Variants in ACOX1 observed in about 807,000 individuals in gnomAD.
The protein encoded by ACOX1 is acyl-CoA oxidase 1, also known as peroxisomal acyl-coenzyme A oxidase 1.
ACOX1 carries 41 observed loss-of-function variants against 75.5 expected under a neutral mutation model. That is an observed-to-expected ratio of 0.54 (90% CI 0.42 to 0.70). The LOEUF is 0.70. Ranked by LOEUF, ACOX1 falls within the 30% of genes least tolerant of loss-of-function variation. ACOX1 has a pLI of 0.00. For synonymous variants in ACOX1, 303 were observed against 298.8 expected (o/e 1.01, Z -0.15); for missense variants, 630 against 837.5 (o/e 0.75, Z 3.06).
In ACOX1 at chr17:75,941,839, A is replaced by G. The variant is rs553502154; in HGVS notation, c.*4909T>C. 1.3e-5 allele frequency: 2 copies of G among 152,268 alleles called. No homozygotes were observed. Among genetic ancestry groups the G allele is most frequent in the Non-Finnish European group, 2.9e-5 (2 of 68,048 alleles). 9.4% of individuals were successfully genotyped at this position (152,268 alleles called of 1,614,324 possible). ...GTTGAATCCATAACTGGAAATAAAA[A>G]GGCATTTATGAAGTGTAGTCCGCAG... On this transcript the variant is annotated 3_prime_UTR_variant, in exon 14 of 14. Transcript: ENST00000293217.
At chr17:75,954,415 T>TG (rs2065803400) in intron 6 of ACOX1, among the ~76,000 whole-genome samples, 1 of 145,804 alleles carries the variant, frequency 6.9e-6, no homozygotes, top group South Asian at 2.2e-4. Flanking sequence ...CCCAGCTACT[T>TG]GGGAGGCTGA....
chr17:75,958,668 C>A (rs890631597), intron 3 of ACOX1, among the ~76,000 whole-genome samples: 10 of 151,836 alleles, frequency 6.6e-5, no homozygotes, highest in Non-Finnish European at 1.3e-4. Context: ...ATTAGCTGGG[C>A]ATGGTGGTGG....
In ACOX1 at chr17:75,955,572, A is replaced by G. The variant is rs1234073358; in HGVS notation, c.768T>C (p.Tyr256=). 4.3e-6 allele frequency: 7 copies of G among 1,613,638 alleles called. No homozygotes were observed. The highest frequency in any genetic ancestry group is 5.9e-6 in the Non-Finnish European group (7 of 1,179,644). ...ATTTTCTATCAAAACATACCTGGGCATACTTCATCAGCATGTTTTCTCTGG... is the reference window on the plus strand; with the variant it reads ...ATTTTCTATCAAAACATACCTGGGCGTACTTCATCAGCATGTTTTCTCTGG... ...RIPRENMLMK[Y]AQVKPDGTYV... The change falls in exon 6 of 14, where the codon TAT becomes TAC. Residue 256 remains tyrosine, a synonymous_variant. Coordinates refer to ENST00000293217, the MANE Select transcript of ACOX1 (RefSeq NM_004035.7).
intron 2 of ACOX1, among the ~76,000 whole-genome samples, chr17:75,962,904 G>A (rs867888259): frequency 2.0e-5 from 3 of 152,266 alleles, no homozygotes; most frequent in Middle Eastern, 3.4e-3. Flanking sequence ...GGCCGAGGCA[G>A]GGGGATCACC....
At position 75,944,732 on chromosome 17, in the gene ACOX1, A is replaced by G. The variant is rs1196898301; in HGVS notation, c.*2016T>C. Reference sequence around the variant, plus strand: ...TTCCAATATTAATAAAAATAGCATCAAATGTCAGATTTAGATTTTTTTTTT... The same window carrying G: ...TTCCAATATTAATAAAAATAGCATCGAATGTCAGATTTAGATTTTTTTTTT... On this transcript the variant is annotated 3_prime_UTR_variant, in exon 14 of 14. Coordinates refer to ENST00000293217, the MANE Select transcript of ACOX1 (RefSeq NM_004035.7). The G allele has an allele frequency of 6.6e-6, 1 of 152,162 alleles. No individual in the cohort carries two copies. Among genetic ancestry groups the G allele is most frequent in the Admixed American group, 6.6e-5 (1 of 15,262 alleles). The allele number at this position is 152,162 out of a possible 1,614,324, so 9.4% of individuals were successfully genotyped here. A position where few individuals can be genotyped will look rare whatever the true frequency, so the allele number is the denominator to read the frequency against.
intron 4 of ACOX1, among the ~76,000 whole-genome samples, chr17:75,956,969 CTCTATATATA>C (rs2065836680): frequency 7.8e-4 from 7 of 9,024 alleles, no homozygotes; most frequent in Non-Finnish European, 1.1e-3. Flanking sequence ...CTCTCTCTCT[CTCTATATATA>C]TATATATATA....
chr17:75,953,378 T>C, intron 7 of ACOX1, 73 bp downstream of exon 7: 4 of 1,567,662 alleles, frequency 2.6e-6, no homozygotes, highest in Non-Finnish European at 3.5e-6. Context: ...TATTGACATT[T>C]GGGAATTCTG....
chr17:75,975,008 C>CCACTG (rs1309034947), intron 2 of ACOX1, among the ~76,000 whole-genome samples: 3 of 141,712 alleles, frequency 2.1e-5, no homozygotes, highest in Admixed American at 7.2e-5. Context: ...CGAGATCGCA[C>CCACTG]CACTGCACTC....
Position 75,951,371 on chromosome 17 carries a change from C to T in ACOX1, c.1107+44G>A, listed in dbSNP as rs9909589. The T allele has an allele frequency of 0.014, 22,963 of 1,612,268 alleles. 1,840 individuals carry two copies. In the African/African-American group the frequency reaches 0.21, roughly 15 times the overall value. The stretch of plus-strand genomic sequence containing the variant: ...CTGGACCTCATCCAACAGGCAACCA[C>T]GAAACAGAAGGGTGCCCATGAGTGA... On this transcript the variant is annotated intron_variant, in intron 8 of 13. Transcript: ENST00000293217.
chr17:75,948,558 CTT>C (rs1040565790), intron 12 of ACOX1, 101 bp from the exon 13 acceptor site: 1,640 of 836,096 alleles, frequency 2.0e-3, no homozygotes, highest in Middle Eastern at 3.1e-3. Context: ...TTATTTTTTT[CTT>C]TTTTTTTTTT....
intron 2 of ACOX1, among the ~76,000 whole-genome samples, chr17:75,976,783 C>T (rs2066053988): frequency 6.6e-6 from 1 of 152,030 alleles, no homozygotes; most frequent in Non-Finnish European, 1.5e-5. Flanking sequence ...AAAGGCAGAA[C>T]GTGCAACATG....
At chr17:75,952,389 G>C (rs1272427660) in intron 7 of ACOX1, among the ~76,000 whole-genome samples, 1 of 151,416 alleles carries the variant, frequency 6.6e-6, no homozygotes, top group African/African-American at 2.4e-5. Context: ...CCACTTCCTG[G>C]GTTCAAGTGA....
At chr17:75,973,060 C>T (rs1360377948) in intron 2 of ACOX1, among the ~76,000 whole-genome samples, 2 of 152,112 alleles carry the variant, frequency 1.3e-5, no homozygotes, top group Non-Finnish European at 2.9e-5. Context: ...TATTTAGGAA[C>T]AATTTAACAA....
At position 75,978,082 on chromosome 17, in the gene ACOX1, C is replaced by CTTTATTTATTTATTTA. The variant is rs149370934; in HGVS notation, c.269+436_269+451dup. Among the ~76,000 whole-genome samples, 2,078 of 151,508 alleles carry CTTTATTTATTTATTTA rather than the reference C, an allele frequency of 0.014. 43 individuals are homozygous for CTTTATTTATTTATTTA. The highest frequency in any genetic ancestry group is 0.1 in the East Asian group (533 of 5,156). Reference sequence around the variant, plus strand: ...ATCACATTATTTTTCACACATATAACTTTATTTATTTATTTATTTATTTAT... The same window carrying CTTTATTTATTTATTTA: ...ATCACATTATTTTTCACACATATAACTTTATTTATTTATTTATTTATTTATTTATTTATTTATTTAT... On this transcript the variant is annotated intron_variant, in intron 2 of 13. Transcript: ENST00000293217. The surrounding 1 kb of genome is among the most constrained non-coding windows in gnomAD (Gnocchi z 4.2).
chr17:75,960,493 G>C lies in ACOX1; in HGVS notation c.270-118C>G, dbSNP rs114161619. The C allele has an allele frequency of 1.3e-5, 13 of 999,974 alleles. No homozygotes were observed. The highest frequency in any genetic ancestry group is 1.8e-5 in the Non-Finnish European group (12 of 656,868). The allele number at this position is 999,974 out of a possible 1,614,324, so 61.9% of individuals were successfully genotyped here. On this transcript the variant is annotated intron_variant, in intron 2 of 13. Coordinates refer to ENST00000293217, the MANE Select transcript of ACOX1 (RefSeq NM_004035.7). The surrounding 1 kb of genome is among the most constrained non-coding windows in gnomAD (Gnocchi z 4.4). ...AAAACCTTAAGTATGAATTAGTTGCGTGCACTTAATCATAGATGGGAGCAC... is the reference window on the plus strand; with the variant it reads ...AAAACCTTAAGTATGAATTAGTTGCCTGCACTTAATCATAGATGGGAGCAC...
chr17:75,978,768 A>G lies in ACOX1; in HGVS notation c.110-75T>C. On this transcript the variant is annotated intron_variant, in intron 1 of 13. Transcript: ENST00000293217. This position sits in a 1 kb window ranked among gnomAD's most constrained non-coding sequence, Gnocchi z 4.2. ...CGTTCCACCCTCCCTGAATCACAAT[A>G]GGCTTCAGAGTCGCGGACACACCTG... The G allele has an allele frequency of 1.2e-6, 2 of 1,611,010 alleles. No homozygotes were observed. The highest frequency in any genetic ancestry group is 2.2e-5 in the East Asian group (1 of 44,872).
In ACOX1 at chr17:75,946,138, T is replaced by C. The variant is rs1157154016; in HGVS notation, c.*610A>G. ...TACAGTAGGCCCGTGCGGAATAAGT[T>C]CCCTCGTTGGAAAAATGCTAGCATG... On this transcript the variant is annotated 3_prime_UTR_variant, in exon 14 of 14. Coordinates refer to ENST00000293217, the MANE Select transcript of ACOX1 (RefSeq NM_004035.7). 6.3e-6 allele frequency: 1 copy of C among 159,350 alleles called. No individual in the cohort carries two copies. Among genetic ancestry groups the C allele is most frequent in the Non-Finnish European group, 1.4e-5 (1 of 72,242 alleles). The allele number at this position is 159,350 out of a possible 1,614,324, so 9.9% of individuals were successfully genotyped here.
intron 2 of ACOX1, among the ~76,000 whole-genome samples, chr17:75,966,142 A>AT (rs2065930018): frequency 6.6e-6 from 1 of 151,012 alleles, no homozygotes; most frequent in Non-Finnish European, 1.5e-5. Flanking sequence ...AAAAGAAAAA[A>AT]AATAATAAAT....
In ACOX1 at chr17:75,949,480, A is replaced by C; in HGVS notation, c.1584+15T>G. The stretch of plus-strand genomic sequence containing the variant: ...TGAGGGCAGGGAAGGGGAAAAAGAG[A>C]GAACTACCACTGACCTCACTTGCTC... On this transcript the variant is annotated intron_variant, in intron 11 of 13. Transcript: ENST00000293217. The C allele has an allele frequency of 6.2e-7, 1 of 1,613,388 alleles. No individual in the cohort carries two copies. The highest frequency in any genetic ancestry group is 8.5e-7 in the Non-Finnish European group (1 of 1,179,298).
Sources: allele counts gnomAD v4.1 joint callset (sites outside exome capture counted in the v4.1 genomes callset), GRCh38; gene constraint gnomAD v4.1.1; non-coding constraint Gnocchi (gnomAD v3.1); transcripts MANE v1.5; gene names NCBI Gene and HGNC (gene_info 2026-07-23, HGNC 2026-07-21).